The following KIAA1217 variants were observed in gnomAD, a reference collection of about 807,000 sequenced individuals.
KIAA1217 encodes KIAA1217.
In KIAA1217, 88 loss-of-function variants were observed where a neutral mutation model predicts 163.9. The observed-to-expected ratio is 0.54, with a 90% CI of 0.45 to 0.64. The LOEUF is 0.64. Ranked by LOEUF, KIAA1217 falls within the 30% of genes least tolerant of loss-of-function variation. The probability of loss-of-function intolerance (pLI) is 0.00; values close to 1 mark genes in which losing one functional copy is unlikely to be tolerated. For missense variants in KIAA1217, 2,372 were observed against 2,475.0 expected, an observed-to-expected ratio of 0.96 and a Z score of 0.88; for synonymous variants, 903 against 923.1, an observed-to-expected ratio of 0.98 and a Z score of 0.39.
At chr10:24,094,984 C>T (rs1416536934) in intron 2 of KIAA1217, among the ~76,000 whole-genome samples, 2 of 152,298 alleles carry the variant, frequency 1.3e-5, no homozygotes, top group East Asian at 3.9e-4. Context: ...AGTTTGATCT[C>T]AGACTGCTGT....
intron 3 of KIAA1217, among the ~76,000 whole-genome samples, chr10:24,412,299 C>T (rs1441352813): frequency 1.5e-4 from 23 of 152,134 alleles, no homozygotes; most frequent in Non-Finnish European, 1.0e-4. Context: ...GGGACTATTT[C>T]GAGATTGGAT....
At chr10:24,355,710 G>A (rs1204654867) in intron 2 of KIAA1217, among the ~76,000 whole-genome samples, 5 of 131,164 alleles carry the variant, frequency 3.8e-5, no homozygotes, top group Admixed American at 8.4e-5. Flanking sequence ...GCTGAGATGA[G>A]CATAGCAAGT....
At chr10:24,079,915 G>T (rs2061486302) in intron 2 of KIAA1217, among the ~76,000 whole-genome samples, 1 of 152,178 alleles carries the variant, frequency 6.6e-6, no homozygotes, top group South Asian at 2.1e-4. Context: ...CAACATCCTG[G>T]CACATCCAAG....
intron 3 of KIAA1217, among the ~76,000 whole-genome samples, chr10:24,393,543 G>A (rs995254662): frequency 1.3e-5 from 2 of 152,156 alleles, no homozygotes; most frequent in Admixed American, 6.5e-5. Flanking sequence ...GTTAAGGGAG[G>A]AATTGTGCCT....
chr10:24,109,802 G>A (rs765417664), intron 2 of KIAA1217, among the ~76,000 whole-genome samples: 6 of 152,240 alleles, frequency 3.9e-5, no homozygotes, highest in Non-Finnish European at 8.8e-5. Context: ...GATTTGGTTT[G>A]AGATGGATTT....
At chr10:23,978,240 T>A (rs1845621626) in intron 1 of KIAA1217, among the ~76,000 whole-genome samples, 1 of 152,186 alleles carries the variant, frequency 6.6e-6, no homozygotes, top group Admixed American at 6.5e-5. Context: ...AAACTCTCCA[T>A]GTTCTGTCTT....
chr10:24,404,466 C>T (rs753571769), intron 3 of KIAA1217, among the ~76,000 whole-genome samples: 9 of 146,248 alleles, frequency 6.2e-5, no homozygotes, highest in Non-Finnish European at 8.9e-5. Context: ...ACTCGGGAGG[C>T]TGAGACAGGA....
At chr10:24,375,006 G>A (rs1591420419) in intron 2 of KIAA1217, among the ~76,000 whole-genome samples, 1 of 152,216 alleles carries the variant, frequency 6.6e-6, no homozygotes, top group East Asian at 1.9e-4. Flanking sequence ...TGCTGGTCTT[G>A]AACTCCTGGG....
chr10:24,128,284 A>G (rs1421801274), intron 2 of KIAA1217, among the ~76,000 whole-genome samples: 3 of 151,960 alleles, frequency 2.0e-5, no homozygotes, highest in African/African-American at 4.8e-5. Flanking sequence ...CCTCAATTCG[A>G]CCCCTCATGG....
At chr10:23,765,884 T>C (rs1834495247) in intron 1 of KIAA1217, among the ~76,000 whole-genome samples, 1 of 152,138 alleles carries the variant, frequency 6.6e-6, no homozygotes, top group Non-Finnish European at 1.5e-5. Flanking sequence ...GACTAATACA[T>C]CCATTAAACA....
intron 8 of KIAA1217, 44 bp from the exon 9 acceptor site, chr10:24,501,335 T>A (rs1228719365): frequency 6.3e-7 from 1 of 1,577,534 alleles, no homozygotes; most frequent in South Asian, 1.1e-5. Context: ...AGCTTAGACT[T>A]TCCTTTGTGG....
chr10:24,181,217 C>T (rs1456361486), intron 2 of KIAA1217, among the ~76,000 whole-genome samples: 4 of 152,052 alleles, frequency 2.6e-5, no homozygotes, highest in Non-Finnish European at 5.9e-5. Context: ...GATGTAAAGA[C>T]CTGTGGAAAT....
intron 3 of KIAA1217, among the ~76,000 whole-genome samples, chr10:24,429,743 G>A (rs943911257): frequency 1.3e-5 from 2 of 152,136 alleles, no homozygotes; most frequent in Admixed American, 1.3e-4. Context: ...TTGGGAGTCA[G>A]TTAATGTAAG....
chr10:24,122,528 A>C (rs886622152), intron 2 of KIAA1217, among the ~76,000 whole-genome samples: 2 of 152,180 alleles, frequency 1.3e-5, no homozygotes, highest in Admixed American at 1.3e-4. Context: ...CCAGGTGATT[A>C]TATGCTTGAA....
rs751881219 is a variant in KIAA1217 at position 24,543,011 on chromosome 10, C to T, written c.3741C>T (p.Ser1247=). ...TEIIMKENSI[S]NMSLLRDSRN... ...TCATAATGAAGGAAAATTCCATATC[C>T]AATATGAGTTTACTCAGAGACAGTA... Residue 1247 remains serine (S), a synonymous_variant, in exon 19 of 21, where the codon TCC becomes TCT. Transcript: ENST00000376454. 3.1e-6 allele frequency: 5 copies of T among 1,613,574 alleles called. No individual in the cohort carries two copies. In the South Asian group the frequency reaches 5.5e-5, roughly 18 times the overall value.
At chr10:23,905,063 C>CTTTTTTTT (rs562938938) in intron 1 of KIAA1217, among the ~76,000 whole-genome samples, 22 of 99,918 alleles carry the variant, frequency 2.2e-4, no homozygotes, top group East Asian at 5.6e-4. Context: ...TTCTCTTTTC[C>CTTTTTTTT]TTTTTTTTTT....
chr10:24,301,705 A>T (rs2041362002), intron 2 of KIAA1217, among the ~76,000 whole-genome samples: 1 of 152,164 alleles, frequency 6.6e-6, no homozygotes, highest in African/African-American at 2.4e-5. Flanking sequence ...TTTAAAGGCA[A>T]CAGAAGTTCC....
At chr10:24,363,232 C>T (rs2050262137) in intron 2 of KIAA1217, among the ~76,000 whole-genome samples, 1 of 152,222 alleles carries the variant, frequency 6.6e-6, no homozygotes, top group East Asian at 1.9e-4. Context: ...CTCTCCACTA[C>T]ATTTGCTCAT....
At chr10:23,876,171 T>A (rs1840685367) in intron 1 of KIAA1217, among the ~76,000 whole-genome samples, 1 of 151,604 alleles carries the variant, frequency 6.6e-6, no homozygotes, top group African/African-American at 2.4e-5. Context: ...AAAATCAAGT[T>A]CTTTGCAGCA....
Sources: allele counts gnomAD v4.1 joint callset (sites outside exome capture counted in the v4.1 genomes callset), GRCh38; gene constraint gnomAD v4.1.1; transcripts MANE v1.5; gene names NCBI Gene and HGNC (gene_info 2026-07-23, HGNC 2026-07-21).